The following AP3D1 variants were observed in gnomAD, a reference collection of about 807,000 sequenced individuals.
AP3D1 encodes adaptor related protein complex 3 subunit delta 1.
In AP3D1, 51 loss-of-function variants were observed where a neutral mutation model predicts 147.6. The ratio of observed to expected loss-of-function variants is 0.35; its 90% confidence interval spans 0.28 to 0.44. AP3D1 has a LOEUF of 0.44. Ranked by LOEUF, AP3D1 falls within the 20% of genes least tolerant of loss-of-function variation. The pLI is 1.00. For synonymous variants in AP3D1, 760 were observed against 663.0 expected, an observed-to-expected ratio of 1.15 and a Z score of -2.25; for missense variants, 1,421 against 1,624.2, an observed-to-expected ratio of 0.87 and a Z score of 2.15.
intron 1 of AP3D1, among the ~76,000 whole-genome samples, chr19:2,148,146 C>CAAAAAA (rs5826756): frequency 6.1e-5 from 6 of 98,070 alleles, no homozygotes; most frequent in Non-Finnish European, 8.1e-5. Context: ...GACTCCGTCT[C>CAAAAAA]AAAAAAAAAA....
chr19:2,124,631 G>A (rs1157981602), intron 9 of AP3D1, among the ~76,000 whole-genome samples: 1 of 152,132 alleles, frequency 6.6e-6, no homozygotes, highest in African/African-American at 2.4e-5. Flanking sequence ...GCTAAGCTAT[G>A]AGGACGCAAA....
At chr19:2,151,111 C>A (rs2019496610) in intron 1 of AP3D1, 128 bp downstream of exon 1, 2 of 854,600 alleles carry the variant, frequency 2.3e-6, no homozygotes, top group African/African-American at 1.8e-5. Context: ...GGGCCGGAGC[C>A]CTAAGCGGGA....
At position 2,105,870 on chromosome 19, in the gene AP3D1, C is replaced by T. The variant is rs570369439; in HGVS notation, c.3552+2817G>A. 1.6e-4 allele frequency among the ~76,000 whole-genome samples: 24 copies of T among 152,160 alleles called. 1 individual carries two copies. Among genetic ancestry groups the T allele is most frequent in the African/African-American group, 2.4e-4 (10 of 41,514 alleles). On this transcript the variant is annotated intron_variant, in intron 31 of 31. Transcript: ENST00000643116. ...CAGCACTTTGGGAGTCTGAGGCAGG[C>T]GGATCAGGAGTTTGAGACCAGCCTG...
At chr19:2,121,681 G>T in intron 12 of AP3D1, 53 bp downstream of exon 12, 1 of 1,523,672 alleles carries the variant, frequency 6.6e-7, no homozygotes, top group Non-Finnish European at 8.8e-7. Flanking sequence ...GACACTTAAT[G>T]TCCCTTAGAG....
chr19:2,143,507 T>C (rs905028461), intron 1 of AP3D1, among the ~76,000 whole-genome samples: 4 of 151,884 alleles, frequency 2.6e-5, no homozygotes, highest in African/African-American at 9.7e-5. Context: ...CTCAAAGTGC[T>C]GGGATTACAG....
intron 5 of AP3D1, 79 bp downstream of exon 5, chr19:2,132,392 A>C: frequency 2.2e-6 from 3 of 1,354,942 alleles, no homozygotes; most frequent in Non-Finnish European, 3.1e-6. Flanking sequence ...CGCATAGCCA[A>C]GCTTCCCAGG....
chr19:2,130,114 G>A (rs528653357), intron 6 of AP3D1, among the ~76,000 whole-genome samples: 3 of 152,200 alleles, frequency 2.0e-5, no homozygotes, highest in Non-Finnish European at 4.4e-5. Flanking sequence ...CCTGTGGAAG[G>A]TGCCTCCTGG....
intron 14 of AP3D1, among the ~76,000 whole-genome samples, 195 bp downstream of exon 14, chr19:2,120,667 C>A (rs1455080037): frequency 6.6e-6 from 1 of 152,218 alleles, no homozygotes; most frequent in Non-Finnish European, 1.5e-5. Flanking sequence ...CAGGGCAGCA[C>A]AGACTCGCCT....
intron 1 of AP3D1, among the ~76,000 whole-genome samples, chr19:2,163,483 C>T (rs567623226): frequency 8.6e-5 from 12 of 138,918 alleles, no homozygotes; most frequent in South Asian, 2.3e-4. Flanking sequence ...TGAATCACCG[C>T]GCCTGGCCTT....
chr19:2,149,543 CA>C (rs34338190), intron 1 of AP3D1, among the ~76,000 whole-genome samples: 311 of 114,978 alleles, frequency 2.7e-3, no homozygotes, highest in African/African-American at 4.7e-3. Context: ...AACTCCGTCT[CA>C]AAAAAAAAAA....
rs369330991 is a variant in AP3D1 at position 2,146,512 on chromosome 19, G to C, written c.96+4727C>G. Among the ~76,000 whole-genome samples the C allele has an allele frequency of 2.6e-5, 4 of 151,132 alleles. No homozygotes were observed. The South Asian group carries it at 6.3e-4, about 24-fold the overall frequency. The stretch of plus-strand genomic sequence containing the variant: ...CCAGCTACTTCGGAGGCTGAGGCAG[G>C]AGAATCACTTGAACCCAGGAGGCAG... On this transcript the variant is annotated intron_variant, in intron 1 of 31. Coordinates refer to ENST00000643116, the MANE Select transcript of AP3D1 (RefSeq NM_001261826.3).
intron 9 of AP3D1, among the ~76,000 whole-genome samples, chr19:2,124,951 C>T (rs1182768555): frequency 2.6e-5 from 4 of 152,096 alleles, no homozygotes; most frequent in African/African-American, 9.6e-5. Flanking sequence ...CCCCCCACCG[C>T]CCCAAAAAAG....
intron 9 of AP3D1, among the ~76,000 whole-genome samples, chr19:2,126,348 ACT>A (rs1222508114): frequency 6.6e-6 from 1 of 151,462 alleles, no homozygotes; most frequent in African/African-American, 2.4e-5. Context: ...GTGGATTCTG[ACT>A]CTGCCTTAGA....
intron 1 of AP3D1, among the ~76,000 whole-genome samples, chr19:2,156,983 T>C (rs1285651992): frequency 8.5e-6 from 1 of 117,342 alleles, no homozygotes; most frequent in Admixed American, 1.1e-4. Context: ...CATCTACCCA[T>C]CCACCCATCA....
At chr19:2,119,890 C>T (rs1026282533) in intron 14 of AP3D1, among the ~76,000 whole-genome samples, 5 of 151,944 alleles carry the variant, frequency 3.3e-5, no homozygotes, top group South Asian at 4.2e-4. Context: ...TGCAGTGAGC[C>T]GAGATCACGC....
In AP3D1 at chr19:2,111,274, C is replaced by A. The variant is rs543292788; in HGVS notation, c.2985+11G>T. ...TGGCCCACCCTGCCCCTGGGAGCGG[C>A]TGCCACTCACCATTTTAACATAGGA... On this transcript the variant is annotated intron_variant, in intron 26 of 31. Transcript: ENST00000643116. 1.2e-6 allele frequency: 2 copies of A among 1,613,924 alleles called. No individual in the cohort carries two copies. Among genetic ancestry groups the A allele is most frequent in the Non-Finnish European group, 8.5e-7 (1 of 1,179,994 alleles).
chr19:2,145,829 C>A (rs2019342285), intron 1 of AP3D1, among the ~76,000 whole-genome samples: 1 of 152,198 alleles, frequency 6.6e-6, no homozygotes, highest in Admixed American at 6.5e-5. Context: ...GTAAAATAGA[C>A]AAAGAGGCCC....
intron 1 of AP3D1, among the ~76,000 whole-genome samples, chr19:2,149,543 C>CAAA (rs34338190): frequency 2.6e-5 from 3 of 115,004 alleles, no homozygotes; most frequent in Non-Finnish European, 1.8e-5. Context: ...AACTCCGTCT[C>CAAA]AAAAAAAAAA....
intron 1 of AP3D1, among the ~76,000 whole-genome samples, chr19:2,158,429 T>C (rs2019666990): frequency 6.6e-6 from 1 of 150,448 alleles, no homozygotes; most frequent in Non-Finnish European, 1.5e-5. Flanking sequence ...CCATCTGAGC[T>C]CACTGCAGCC....
Sources: gnomAD v4.1 joint callset for allele counts (sites outside exome capture counted in the v4.1 genomes callset) on GRCh38, gnomAD v4.1.1 for gene constraint, MANE v1.5 for transcripts, NCBI Gene and HGNC (gene_info 2026-07-23, HGNC 2026-07-21) for gene names.